WDSUB1: variants seen among roughly 807,000 people sequenced by gnomAD.
The protein encoded by WDSUB1 is WD repeat, sterile alpha motif and U-box domain containing 1, also known as WD repeat, SAM and U-box domain-containing protein 1.
A neutral mutation model predicts 53.9 loss-of-function variants in WDSUB1; 49 were observed. The observed-to-expected ratio is 0.91, with a 90% CI of 0.72 to 1.15. The LOEUF (loss-of-function observed/expected upper bound fraction) is 1.15, where lower values mean the gene tolerates loss of function less well. WDSUB1 is among the 50% of genes most tolerant of loss of function. The probability of loss-of-function intolerance (pLI) is 0.00; values close to 1 mark genes in which losing one functional copy is unlikely to be tolerated. For synonymous variants in WDSUB1, 194 were observed against 200.6 expected (o/e 0.97, Z 0.28); for missense variants, 514 against 562.0 (o/e 0.91, Z 0.86).
At chr2:159,286,527 C>T (rs1443851898) in intron 1 of WDSUB1, 56 bp downstream of exon 1, 1 of 151,980 alleles carries the variant, frequency 6.6e-6, no homozygotes, top group Non-Finnish European at 1.5e-5. Context: ...CCCAGCCGCG[C>T]TTCCCCACCT....
intron 8 of WDSUB1, among the ~76,000 whole-genome samples, chr2:159,257,449 C>T (rs1559542919): frequency 6.7e-6 from 1 of 150,364 alleles, no homozygotes; most frequent in African/African-American, 2.5e-5. Context: ...TGCAATGGCA[C>T]GATCTCAGGT....
At chr2:159,251,640 G>A (rs1013020561) in intron 9 of WDSUB1, among the ~76,000 whole-genome samples, 6 of 152,216 alleles carry the variant, frequency 3.9e-5, no homozygotes, top group African/African-American at 1.2e-4. Context: ...GTAAACCCTC[G>A]GTACCAGTAT....
intron 1 of WDSUB1, 104 bp from the exon 2 acceptor site, chr2:159,283,197 C>T (rs2061711908): frequency 5.1e-6 from 5 of 985,858 alleles, no homozygotes; most frequent in African/African-American, 3.3e-5. Flanking sequence ...TCAATGAAAG[C>T]TTCTACATCA....
rs766550691 is a variant in WDSUB1 at position 159,256,347 on chromosome 2, T to C, written c.981A>G (p.Gln327=). The change falls in exon 9 of 11, where the codon CAA becomes CAG. Residue 327 remains glutamine, a synonymous_variant. Transcript: ENST00000359774. ...CCTCCTCTGACCAATCTTCGGTAAA[T>C]TGCTTCAGCTGATGTTCTGTGCGCC... ...QARRTEHQLK[Q]FTEDWSEEDV... 3 of 1,611,908 alleles carry C rather than the reference T, an allele frequency of 1.9e-6. No individual in the cohort carries two copies. Among genetic ancestry groups the C allele is most frequent in the African/African-American group, 2.7e-5 (2 of 74,838 alleles).
At chr2:159,273,319 G>A (rs2061478717) in intron 4 of WDSUB1, among the ~76,000 whole-genome samples, 1 of 152,042 alleles carries the variant, frequency 6.6e-6, no homozygotes, top group Non-Finnish European at 1.5e-5. Context: ...ACAATAATAG[G>A]TTATGTCCTC....
At chr2:159,280,057 C>T in intron 2 of WDSUB1, 112 bp from the exon 3 acceptor site, 2 of 984,448 alleles carry the variant, frequency 2.0e-6, no homozygotes, top group Non-Finnish European at 2.9e-6. Flanking sequence ...TATCACAGAA[C>T]TAGAGAGAAA....
At chr2:159,262,313 C>T (rs764118136) in intron 5 of WDSUB1, among the ~76,000 whole-genome samples, 57 of 151,922 alleles carry the variant, frequency 3.8e-4, no homozygotes, top group Non-Finnish European at 5.4e-4. Context: ...CATATGGGAA[C>T]GGCAAGCAGT....
At chr2:159,280,635 G>A (rs2061641125) in intron 2 of WDSUB1, among the ~76,000 whole-genome samples, 1 of 129,886 alleles carries the variant, frequency 7.7e-6, no homozygotes, top group Non-Finnish European at 1.6e-5. Flanking sequence ...AGCTTGCAGT[G>A]AGCCGAGATC....
chr2:159,286,552 T>G (rs1033629018), intron 1 of WDSUB1, 31 bp downstream of exon 1: 2 of 152,154 alleles, frequency 1.3e-5, no homozygotes, highest in Non-Finnish European at 2.9e-5. Context: ...CCACCGCCGC[T>G]GAGCCGGCCC....
chr2:159,246,144 A>G (rs928872101), intron 10 of WDSUB1, among the ~76,000 whole-genome samples: 3 of 152,208 alleles, frequency 2.0e-5, no homozygotes, highest in South Asian at 4.1e-4. Flanking sequence ...TTAAAAGCAC[A>G]ATAAGAGGCC....
chr2:159,271,741 G>C lies in WDSUB1; in HGVS notation c.731C>G (p.Ala244Gly). 8 of 1,614,136 alleles carry C rather than the reference G, an allele frequency of 5.0e-6. No homozygotes were observed. The East Asian group carries it at 1.8e-4, about 36-fold the overall frequency. Residue 244 changes from alanine to glycine, a missense_variant, in exon 5 of 11, where the codon GCT becomes GGT. By Grantham distance (60) the Ala-to-Gly change is moderately conservative. Coordinates refer to ENST00000359774, the MANE Select transcript of WDSUB1 (RefSeq NM_001128212.3). ...CTGCCCATCATGGGAAAAAGCACAA[G>C]CCAGAACAGGAGCACAGTGCCCACT... ...TLSGHCAPVL[A>G]CAFSHDGQML...
At chr2:159,266,409 T>C (rs530332239) in intron 5 of WDSUB1, among the ~76,000 whole-genome samples, 48 of 152,242 alleles carry the variant, frequency 3.2e-4, no homozygotes, top group Admixed American at 2.4e-3. Context: ...AGGATGGTCT[T>C]GATCTCCTGA....
In WDSUB1 at chr2:159,235,902, T is replaced by A; in HGVS notation, c.*131A>T. The A allele has an allele frequency of 1.1e-6, 1 of 936,798 alleles. No homozygotes were observed. Among genetic ancestry groups the A allele is most frequent in the Non-Finnish European group, 1.5e-6 (1 of 688,234 alleles). The allele number at this position is 936,798 out of a possible 1,614,324, so 58.0% of individuals were successfully genotyped here. On this transcript the variant is annotated 3_prime_UTR_variant, in exon 11 of 11. Transcript: ENST00000359774. ...TTTTTTAAAGAATGAAAATTGACAATTTTTATAGGTAACTAAATTTAAGAA... is the reference window on the plus strand; with the variant it reads ...TTTTTTAAAGAATGAAAATTGACAAATTTTATAGGTAACTAAATTTAAGAA...
At chr2:159,248,265 A>T in intron 10 of WDSUB1, 107 bp downstream of exon 10, 1 of 1,355,684 alleles carries the variant, frequency 7.4e-7, no homozygotes, top group South Asian at 1.4e-5. Context: ...TTTAAGAAAA[A>T]ACTACTTAAA....
At chr2:159,260,340 A>G (rs1360179249) in intron 5 of WDSUB1, among the ~76,000 whole-genome samples, 2 of 151,380 alleles carry the variant, frequency 1.3e-5, no homozygotes, top group Admixed American at 1.3e-4. Context: ...AATTTAGAAA[A>G]TTATAAGCTT....
intron 5 of WDSUB1, among the ~76,000 whole-genome samples, chr2:159,260,159 T>C (rs1440410422): frequency 6.6e-6 from 1 of 151,902 alleles, no homozygotes; most frequent in African/African-American, 2.4e-5. Context: ...AAAAAAATTA[T>C]CCGGGCATGG....
intron 9 of WDSUB1, among the ~76,000 whole-genome samples, chr2:159,255,586 T>C (rs544266408): frequency 5.3e-5 from 8 of 152,274 alleles, no homozygotes; most frequent in Non-Finnish European, 1.0e-4. Context: ...TTCTGTTAAC[T>C]CCTTAAAAGG....
At chr2:159,258,614 G>A (rs1022866457) in intron 6 of WDSUB1, among the ~76,000 whole-genome samples, 2 of 152,104 alleles carry the variant, frequency 1.3e-5, no homozygotes, top group East Asian at 1.9e-4. Flanking sequence ...AGCCAAGATC[G>A]CACCACTGCA....
chr2:159,280,121 T>C (rs1421507583), intron 2 of WDSUB1, among the ~76,000 whole-genome samples, 176 bp from the exon 3 acceptor site: 1 of 152,184 alleles, frequency 6.6e-6, no homozygotes, highest in African/African-American at 2.4e-5. Flanking sequence ...TGAACTGAGA[T>C]ATACTGTCTA....
Sources: gnomAD v4.1 joint callset for allele counts (sites outside exome capture counted in the v4.1 genomes callset) on GRCh38, gnomAD v4.1.1 for gene constraint, MANE v1.5 for transcripts, NCBI Gene and HGNC (gene_info 2026-07-23, HGNC 2026-07-21) for gene names.